BICD1: variants seen among roughly 807,000 people sequenced by gnomAD.
The protein encoded by BICD1 is protein bicaudal D homolog 1.
A neutral mutation model predicts 92.5 loss-of-function variants in BICD1; 35 were observed. The ratio of observed to expected loss-of-function variants is 0.38; its 90% CI spans 0.29 to 0.50. The LOEUF (loss-of-function observed/expected upper bound fraction) is 0.50. BICD1 is among the 20% of genes least tolerant of loss of function. BICD1 has a pLI of 0.93. For missense variants in BICD1, 950 were observed against 1,189.8 expected (o/e 0.80, Z 2.97); for synonymous variants, 429 against 465.1 (o/e 0.92, Z 1.00).
intron 2 of BICD1, among the ~76,000 whole-genome samples, chr12:32,286,284 T>G (rs1947563834): frequency 6.6e-6 from 1 of 152,208 alleles, no homozygotes; most frequent in Non-Finnish European, 1.5e-5. Context: ...CTCTTGTATC[T>G]TAACATTTTT....
At chr12:32,263,084 A>C (rs1371364295) in intron 2 of BICD1, among the ~76,000 whole-genome samples, 3 of 152,004 alleles carry the variant, frequency 2.0e-5, no homozygotes, top group Non-Finnish European at 2.9e-5. Context: ...GTAGTGAGCT[A>C]TGATCTGGCC....
chr12:32,172,370 A>C (rs1217764210), intron 1 of BICD1, among the ~76,000 whole-genome samples: 1 of 152,210 alleles, frequency 6.6e-6, no homozygotes, highest in Non-Finnish European at 1.5e-5. Context: ...ATTTGCAAGC[A>C]AGCTGCTTTG....
chr12:32,242,528 A>C (rs1158053056), intron 2 of BICD1, among the ~76,000 whole-genome samples: 4 of 149,808 alleles, frequency 2.7e-5, no homozygotes, highest in African/African-American at 9.7e-5. Flanking sequence ...CTCTGTCTTA[A>C]AAGAAAAAAA....
rs548691997 is a variant in BICD1, at chr12:32,306,508, G to C, written c.1005+386G>C. On this transcript the variant is annotated intron_variant, in intron 4 of 9. Transcript: ENST00000652176. ...ATCCGCCCGCCTTGGCCTCCAAAGT[G>C]CTGGGATTACAGGCGTGAGCCACCG... Among the ~76,000 whole-genome samples, 8 of 152,126 alleles carry C rather than the reference G, an allele frequency of 5.3e-5. No homozygotes were observed. The East Asian group carries it at 1.6e-3, about 30-fold the overall frequency.
chr12:32,288,263 A>C, intron 2 of BICD1, among the ~76,000 whole-genome samples: 1 of 122,738 alleles, frequency 8.1e-6, no homozygotes, highest in Non-Finnish European at 1.6e-5. Flanking sequence ...ACAGGGTCTC[A>C]CTCTGTAGCC....
chr12:32,263,482 G>T (rs943924525), intron 2 of BICD1, among the ~76,000 whole-genome samples: 5 of 151,274 alleles, frequency 3.3e-5, no homozygotes, highest in African/African-American at 1.2e-4. Flanking sequence ...GGAGGCAGAG[G>T]TTGCAGTGAG....
chr12:32,128,415 G>A (rs2683469), intron 1 of BICD1, among the ~76,000 whole-genome samples: 129,370 of 152,098 alleles, frequency 0.85, 55,246 homozygotes, highest in African/African-American at 0.92. Flanking sequence ...GTCCCTGGAA[G>A]AATAAATGCC....
chr12:32,179,345 A>C (rs1040274920), intron 1 of BICD1, among the ~76,000 whole-genome samples: 1 of 152,006 alleles, frequency 6.6e-6, no homozygotes, highest in African/African-American at 2.4e-5. Context: ...ATTTTAAATA[A>C]ATGATAAAAT....
intron 2 of BICD1, among the ~76,000 whole-genome samples, chr12:32,243,543 G>A (rs1310219122): frequency 6.6e-6 from 1 of 151,960 alleles, no homozygotes; most frequent in Non-Finnish European, 1.5e-5. Context: ...TTACACATTT[G>A]TTAGGTTTTA....
intron 1 of BICD1, among the ~76,000 whole-genome samples, chr12:32,166,295 C>T (rs964587027): frequency 1.7e-4 from 26 of 151,750 alleles, no homozygotes; most frequent in African/African-American, 6.3e-4. Context: ...GCCACCATGC[C>T]TGGCTAATTT....
intron 2 of BICD1, among the ~76,000 whole-genome samples, chr12:32,225,621 G>GTTTTTTTTTTTTT (rs58895470): frequency 0.013 from 1,213 of 92,688 alleles, 93 homozygotes; most frequent in Non-Finnish European, 0.019. Flanking sequence ...CTTTTTTTCT[G>GTTTTTTTTTTTTT]TTTTTTTTTT....
chr12:32,306,067 T>C lies in BICD1; in HGVS notation c.950T>C (p.Leu317Ser). Residue 317 changes from leucine to serine, a missense_variant, in exon 4 of 10, where the codon TTA becomes TCA. Around this residue, in one of 5 missense-constraint regions of BICD1, gnomAD observed 246 missense variants for 258.4 expected, o/e 0.95. Coordinates refer to ENST00000652176, the MANE Select transcript of BICD1 (RefSeq NM_001714.4). ...KGESLNPVSD[L>S]FSELNISEIQ... ...GAGTCTCTGAACCCTGTCTCTGACT[T>C]ATTCAGTGAGCTGAACATTTCAGAA... 1 of 1,613,458 alleles carries C rather than the reference T, an allele frequency of 6.2e-7. No individual in the cohort carries two copies. The highest frequency in any genetic ancestry group is 8.5e-7 in the Non-Finnish European group (1 of 1,179,820).
At chr12:32,312,978 T>G (rs533329498) in intron 4 of BICD1, among the ~76,000 whole-genome samples, 18 of 152,244 alleles carry the variant, frequency 1.2e-4, no homozygotes, top group Non-Finnish European at 1.8e-4. Context: ...AAGTAGATTC[T>G]GTCTGGAAAT....
chr12:32,172,728 A>T (rs1434974979), intron 1 of BICD1, among the ~76,000 whole-genome samples: 3 of 152,158 alleles, frequency 2.0e-5, no homozygotes. Context: ...CAGGTTGTTC[A>T]TCCATTCATT....
intron 1 of BICD1, among the ~76,000 whole-genome samples, chr12:32,122,246 AC>A (rs1392662232): frequency 6.6e-6 from 1 of 151,592 alleles, no homozygotes; most frequent in African/African-American, 2.4e-5. Flanking sequence ...GGAAATCGAG[AC>A]CATCCTAACA....
In BICD1 at chr12:32,380,605, T is replaced by C. The variant is rs1030578686; in HGVS notation, c.*2978T>C. ...CAAAAAATAAGAAGAAGCAATAAAT[T>C]GTCTTTGGCCTGAGTGCTGAGTGGC... On this transcript the variant is annotated 3_prime_UTR_variant, in exon 10 of 10. Transcript: ENST00000652176. The C allele has an allele frequency of 1.3e-5, 2 of 152,122 alleles. No homozygotes were observed. Among genetic ancestry groups the C allele is most frequent in the Non-Finnish European group, 2.9e-5 (2 of 67,994 alleles). The allele number at this position is 152,122 out of a possible 1,614,324, so 9.4% of individuals were successfully genotyped here.
At chr12:32,165,682 CAAAAA>C (rs35023796) in intron 1 of BICD1, among the ~76,000 whole-genome samples, 3 of 128,104 alleles carry the variant, frequency 2.3e-5, no homozygotes, top group Non-Finnish European at 3.3e-5. Context: ...GACTCTGTCT[CAAAAA>C]AAAAAAAAAA....
chr12:32,208,561 T>G (rs1337389645), intron 1 of BICD1, among the ~76,000 whole-genome samples: 3 of 152,194 alleles, frequency 2.0e-5, no homozygotes, highest in African/African-American at 4.8e-5. Flanking sequence ...CTTGAGTCTG[T>G]CAGGGAGGCC....
At chr12:32,221,206 C>T (rs1345220383) in intron 2 of BICD1, among the ~76,000 whole-genome samples, 1 of 151,182 alleles carries the variant, frequency 6.6e-6, no homozygotes, top group African/African-American at 2.4e-5. Context: ...AACTAACCTG[C>T]ACATTGTGCA....
Sources: gnomAD v4.1 joint callset for allele counts (sites outside exome capture counted in the v4.1 genomes callset) on GRCh38, gnomAD v4.1.1 for gene constraint, gnomAD v4.1.1 regional missense constraint, MANE v1.5 for transcripts, NCBI Gene and HGNC (gene_info 2026-07-23, HGNC 2026-07-21) for gene names.